XAB2: variants seen among roughly 807,000 people sequenced by gnomAD.
XAB2 encodes pre-mRNA-splicing factor SYF1.
In XAB2, 57 loss-of-function variants were observed where a neutral mutation model predicts 113.4. The ratio of observed to expected loss-of-function variants is 0.50; its 90% confidence interval spans 0.41 to 0.63. XAB2 has a LOEUF of 0.63. Among genes scored for constraint, XAB2 ranks in the 20% least tolerant of loss-of-function variants. The probability of loss-of-function intolerance (pLI) is 0.00; values close to 1 mark genes in which losing one functional copy is unlikely to be tolerated. For missense variants in XAB2, 1,037 were observed against 1,233.3 expected (o/e 0.84, Z 2.38); for synonymous variants, 497 against 498.8 (o/e 1.00, Z 0.05).
Position 7,619,562 on chromosome 19 carries a change from G to A in XAB2, c.*24C>T. On this transcript the variant is annotated 3_prime_UTR_variant, in exon 19 of 19. Transcript: ENST00000358368. ...GTAGCTGTATTGGGGAGGGGGTGGG[G>A]AGGGGGGATGGGGGAGGGACGGGTC... is the stretch of plus-strand genomic sequence containing the variant. 6.7e-7 allele frequency: 1 copy of A among 1,481,788 alleles called. No individual in the cohort carries two copies. Among genetic ancestry groups the A allele is most frequent in the Non-Finnish European group, 9.1e-7 (1 of 1,101,858 alleles). The allele number at this position is 1,481,788 out of a possible 1,614,324, so 91.8% of individuals were successfully genotyped here.
intron 4 of XAB2, 88 bp from the exon 5 acceptor site, chr19:7,626,358 C>T (rs930318879): frequency 5.8e-6 from 9 of 1,544,732 alleles, no homozygotes; most frequent in East Asian, 2.3e-5. Flanking sequence ...CGTCCCCCCC[C>T]ACCCATTTAT....
At chr19:7,626,581 T>C (rs1166030164) in intron 4 of XAB2, among the ~76,000 whole-genome samples, 3 of 151,876 alleles carry the variant, frequency 2.0e-5, no homozygotes, top group Non-Finnish European at 4.4e-5. Context: ...TTGACTGCGG[T>C]GGTCCAGTCT....
Position 7,627,181 on chromosome 19 carries a change from G to C in XAB2, c.522+62C>G, listed in dbSNP as rs2031156402. 1 of 1,573,726 alleles carries C rather than the reference G, an allele frequency of 6.4e-7. No individual in the cohort carries two copies. The highest frequency in any genetic ancestry group is 1.3e-5 in the African/African-American group (1 of 74,348). On this transcript the variant is annotated intron_variant, in intron 4 of 18. Transcript: ENST00000358368. The surrounding 1 kb of genome is among the most constrained non-coding windows in gnomAD (Gnocchi z 4.5). ...CTGGGTGACATCCTACGCGGAGCTA[G>C]TGTCACAGTGAGGCCGTTTCTGGAA...
chr19:7,621,355 C>G, intron 12 of XAB2, 58 bp from the exon 13 acceptor site: 1 of 1,589,076 alleles, frequency 6.3e-7, no homozygotes, highest in Admixed American at 1.7e-5. Flanking sequence ...ACCAGGCACC[C>G]GGGATGTCCT....
In XAB2 at chr19:7,628,336, C is replaced by G. The variant is rs1568456226; in HGVS notation, c.52-38G>C. The stretch of plus-strand genomic sequence containing the variant: ...GGGAATGGGAAGAAGAGAGGCCTAC[C>G]CTCAGAGCCTGTGTGCAGCACCATC... On this transcript the variant is annotated intron_variant, in intron 1 of 18. Coordinates refer to ENST00000358368, the MANE Select transcript of XAB2 (RefSeq NM_020196.3). This position sits in a 1 kb window ranked among gnomAD's most constrained non-coding sequence, Gnocchi z 4.6. 2 of 1,612,544 alleles carry G rather than the reference C, an allele frequency of 1.2e-6. No homozygotes were observed. Among genetic ancestry groups the G allele is most frequent in the African/African-American group, 1.3e-5 (1 of 74,840 alleles).
In XAB2 at chr19:7,628,941, CTGG is replaced by C. The variant is rs371914007; in HGVS notation, c.51+533_51+535del. ...GCCTTTAACTCTGCACACCAAGAATCTGGTGAAGATGTCACGCCTCTACTCCAG... is the reference window on the plus strand; with the variant it reads ...GCCTTTAACTCTGCACACCAAGAATCTGAAGATGTCACGCCTCTACTCCAG... On this transcript the variant is annotated intron_variant, in intron 1 of 18. Coordinates refer to ENST00000358368, the MANE Select transcript of XAB2 (RefSeq NM_020196.3). The surrounding 1 kb of genome is among the most constrained non-coding windows in gnomAD (Gnocchi z 4.6). Among the ~76,000 whole-genome samples the C allele has an allele frequency of 3.2e-3, 480 of 152,344 alleles. 1 individual carries two copies. The highest frequency in any genetic ancestry group is 0.011 in the African/African-American group (456 of 41,572).
In XAB2 at chr19:7,623,681, T is replaced by C; in HGVS notation, c.1119+50A>G. On this transcript the variant is annotated intron_variant, in intron 8 of 18. Coordinates refer to ENST00000358368, the MANE Select transcript of XAB2 (RefSeq NM_020196.3). The surrounding 1 kb of genome is among the most constrained non-coding windows in gnomAD (Gnocchi z 4.6). ...GGGTGAAGGTGGGTGGCTCCCCAGT[T>C]CTGCAGGAAACTGGCCCTCAGGGGT... is the stretch of plus-strand genomic sequence containing the variant. 6.5e-7 allele frequency: 1 copy of C among 1,532,520 alleles called. No individual in the cohort carries two copies. The highest frequency in any genetic ancestry group is 8.7e-7 in the Non-Finnish European group (1 of 1,145,096). 94.9% of individuals were successfully genotyped at this position (1,532,520 alleles called of 1,614,324 possible).
In XAB2 at chr19:7,621,123, T is replaced by G. The variant is rs1309960703; in HGVS notation, c.1780+12A>C. 2 of 1,000,174 alleles carry G rather than the reference T, an allele frequency of 2.0e-6. No individual in the cohort carries two copies. Among genetic ancestry groups the G allele is most frequent in the Admixed American group, 4.6e-5 (2 of 43,046 alleles). 62.0% of individuals were successfully genotyped at this position (1,000,174 alleles called of 1,614,324 possible). A position where few individuals can be genotyped will look rare whatever the true frequency, so the allele number is the denominator to read the frequency against. Reference sequence around the variant, plus strand: ...CGCCCGCCACCCCCCCCATGCCCTCTGCCCGCCTCACTCTTGGCATATTTT... The same window carrying G: ...CGCCCGCCACCCCCCCCATGCCCTCGGCCCGCCTCACTCTTGGCATATTTT... On this transcript the variant is annotated intron_variant, in intron 13 of 18. Coordinates refer to ENST00000358368, the MANE Select transcript of XAB2 (RefSeq NM_020196.3).
intron 17 of XAB2, 33 bp from the exon 18 acceptor site, chr19:7,619,889 C>T: frequency 6.2e-7 from 1 of 1,609,906 alleles, no homozygotes; most frequent in Non-Finnish European, 8.5e-7. Flanking sequence ...CAGTTCCCCA[C>T]CCCGGGCCCC....
In XAB2 at chr19:7,624,418, G is replaced by T. The variant is rs554683058; in HGVS notation, c.850C>A (p.Arg284=). The T allele has an allele frequency of 6.2e-7, 1 of 1,614,118 alleles. No individual in the cohort carries two copies. The highest frequency in any genetic ancestry group is 1.7e-5 in the Admixed American group (1 of 60,014). ...KARDVYEEAI[R]TVMTVRDFTQ... is the part of the protein sequence containing the mutation. ...AAGTCCCGCACGGTCATCACTGTCC[G>T]GATGGCCTCCTCGTACACGTCCCGA... The change falls in exon 7 of 19, where the codon CGG becomes AGG. Residue 284 remains arginine, a synonymous_variant. Transcript: ENST00000358368. The surrounding 1 kb of genome is among the most constrained non-coding windows in gnomAD (Gnocchi z 4.2).
In XAB2 at chr19:7,627,434, G is replaced by GTGCATCT; in HGVS notation, c.330_331insAGATGCA (p.Leu112CysfsTer54). The GTGCATCT allele has an allele frequency of 6.2e-7, 1 of 1,604,130 alleles. No individual in the cohort carries two copies. The highest frequency in any genetic ancestry group is 8.5e-7 in the Non-Finnish European group (1 of 1,176,550). ...AACTGGCAGTAATCTAGCCACAGACGAGGCATCTGGGGGTGTGGGGAGAGG... is the reference window on the plus strand; with the variant it reads ...AACTGGCAGTAATCTAGCCACAGACGTGCATCTAGGCATCTGGGGGTGTGGGGAGAGG... On this transcript the variant is annotated frameshift_variant, in exon 4 of 19. Transcript: ENST00000358368. LOFTEE classifies it high-confidence loss of function. This position sits in a 1 kb window ranked among gnomAD's most constrained non-coding sequence, Gnocchi z 4.5.
chr19:7,624,083 C>G lies in XAB2; in HGVS notation c.968-201G>C, dbSNP rs553741994. Reference sequence around the variant, plus strand: ...TACCCCCTCCTACCCCCACTGTTCCCCTAGCCCTCCTGCCCTGCCAGGCTC... The same window carrying G: ...TACCCCCTCCTACCCCCACTGTTCCGCTAGCCCTCCTGCCCTGCCAGGCTC... On this transcript the variant is annotated intron_variant, in intron 7 of 18. Coordinates refer to ENST00000358368, the MANE Select transcript of XAB2 (RefSeq NM_020196.3). This position sits in a 1 kb window ranked among gnomAD's most constrained non-coding sequence, Gnocchi z 4.2. Among the ~76,000 whole-genome samples the G allele has an allele frequency of 6.6e-6, 1 of 151,394 alleles. No individual in the cohort carries two copies. Among genetic ancestry groups the G allele is most frequent in the African/African-American group, 2.4e-5 (1 of 41,214 alleles).
At position 7,624,437 on chromosome 19, in the gene XAB2, G is replaced by A. The variant is rs1248089045; in HGVS notation, c.831C>T (p.Asp277=). 4.3e-6 allele frequency: 7 copies of A among 1,613,918 alleles called. No homozygotes were observed. The highest frequency in any genetic ancestry group is 2.7e-5 in the African/African-American group (2 of 74,918). ...CTGTCCGGATGGCCTCCTCGTACAC[G>A]TCCCGAGCCTGTGGGGACCCAGGGA... ...IRSGHFEKAR[D]VYEEAIRTVM... The change falls in exon 7 of 19, where the codon GAC becomes GAT. Residue 277 remains aspartate (D), a synonymous_variant. Coordinates refer to ENST00000358368, the MANE Select transcript of XAB2 (RefSeq NM_020196.3). This position sits in a 1 kb window ranked among gnomAD's most constrained non-coding sequence, Gnocchi z 4.2.
At chr19:7,622,204 TTTG>T in intron 12 of XAB2, 124 bp downstream of exon 12, 3 of 914,496 alleles carry the variant, frequency 3.3e-6, no homozygotes, top group Non-Finnish European at 5.2e-6. Context: ...AAGCTAAATC[TTTG>T]TTGTTTAAGT....
Position 7,626,061 on chromosome 19 carries a change from A to T in XAB2, c.658-17T>A. 4.4e-6 allele frequency: 7 copies of T among 1,608,160 alleles called. No individual in the cohort carries two copies. Among genetic ancestry groups the T allele is most frequent in the Non-Finnish European group, 5.1e-6 (6 of 1,175,620 alleles). The stretch of plus-strand genomic sequence containing the variant: ...GTGCCACAGCTGCAGGGCATGGGGC[A>T]GTGGGGGAGAGTCTCAGGCTCAGTC... On this transcript the variant is annotated splice_polypyrimidine_tract_variant and intron_variant, in intron 5 of 18. Transcript: ENST00000358368.
In XAB2 at chr19:7,619,566, G is replaced by A; in HGVS notation, c.*20C>T. Reference sequence around the variant, plus strand: ...CTGTATTGGGGAGGGGGTGGGGAGGGGGGATGGGGGAGGGACGGGTCAGTC... The same window carrying A: ...CTGTATTGGGGAGGGGGTGGGGAGGAGGGATGGGGGAGGGACGGGTCAGTC... On this transcript the variant is annotated 3_prime_UTR_variant, in exon 19 of 19. Transcript: ENST00000358368. 1.1e-6 allele frequency: 1 copy of A among 938,270 alleles called. No homozygotes were observed. Among genetic ancestry groups the A allele is most frequent in the East Asian group, 3.7e-5 (1 of 26,904 alleles). The allele number at this position is 938,270 out of a possible 1,614,324, so 58.1% of individuals were successfully genotyped here. A position where few individuals can be genotyped will look rare whatever the true frequency, so the allele number is the denominator to read the frequency against.
chr19:7,627,433 C>CACTCT lies in XAB2; in HGVS notation c.331_332insAGAGT (p.Arg111GlnfsTer6). 1 of 1,604,422 alleles carries CACTCT rather than the reference C, an allele frequency of 6.2e-7. No individual in the cohort carries two copies. Among genetic ancestry groups the CACTCT allele is most frequent in the Non-Finnish European group, 8.5e-7 (1 of 1,176,680 alleles). ...GAACTGGCAGTAATCTAGCCACAGA[C>CACTCT]GAGGCATCTGGGGGTGTGGGGAGAG... On this transcript the variant is annotated frameshift_variant, in exon 4 of 19. Transcript: ENST00000358368. LOFTEE classifies it high-confidence loss of function. This position sits in a 1 kb window ranked among gnomAD's most constrained non-coding sequence, Gnocchi z 4.5.
rs1272028252 is a variant in XAB2, at chr19:7,619,988, C to T, written c.2354G>A (p.Arg785His). Residue 785 changes from arginine (R) to histidine (H), a missense_variant, in exon 17 of 19, where the codon CGT becomes CAT. Transcript: ENST00000358368. Reference protein sequence around the residue: ...RAEQLAAEAERDQPLRAQSKI... With the variant: ...RAEQLAAEAEHDQPLRAQSKI... Reference sequence around the variant, plus strand: ...GCTCTGGGCGCGCAAGGGCTGGTCACGCTCCGCCTCAGCCGCCAGCTGCTC... The same window carrying T: ...GCTCTGGGCGCGCAAGGGCTGGTCATGCTCCGCCTCAGCCGCCAGCTGCTC... The T allele has an allele frequency of 3.7e-6, 6 of 1,612,298 alleles. No homozygotes were observed. Among genetic ancestry groups the T allele is most frequent in the Non-Finnish European group, 5.1e-6 (6 of 1,179,964 alleles).
Position 7,627,352 on chromosome 19 carries a change from C to T in XAB2, c.413G>A (p.Arg138Gln). Residue 138 changes from arginine (R) to glutamine (Q), a missense_variant, in exon 4 of 19, where the codon CGG becomes CAG. Arg to Gln is a conservative substitution (Grantham distance 43, BLOSUM62 1). Coordinates refer to ENST00000358368, the MANE Select transcript of XAB2 (RefSeq NM_020196.3). This position sits in a 1 kb window ranked among gnomAD's most constrained non-coding sequence, Gnocchi z 4.5. ...AGAGTGCTGCGTGATGGGCAGTGCC[C>T]GGAGGGCACGGTCGAAGGTGCGGCG... Reference protein sequence around the residue: ...HTRRTFDRALRALPITQHSRI... With the variant: ...HTRRTFDRALQALPITQHSRI... 6.2e-7 allele frequency: 1 copy of T among 1,613,334 alleles called. No homozygotes were observed. The highest frequency in any genetic ancestry group is 8.5e-7 in the Non-Finnish European group (1 of 1,179,876).
Sources: gnomAD v4.1 joint callset for allele counts (sites outside exome capture counted in the v4.1 genomes callset) on GRCh38, gnomAD v4.1.1 for gene constraint, Gnocchi (gnomAD v3.1) non-coding constraint, MANE v1.5 for transcripts, NCBI Gene and HGNC (gene_info 2026-07-23, HGNC 2026-07-21) for gene names.